The following THAP3 variants were observed in gnomAD, a reference collection of about 807,000 sequenced individuals.
THAP3 encodes the protein THAP domain-containing protein 3.
Under a neutral mutation model 17.7 loss-of-function variants are expected in THAP3, and 12 were observed. The observed-to-expected ratio is 0.68, with a 90% CI of 0.43 to 1.10. The LOEUF is 1.10. Among genes scored for constraint, THAP3 ranks in the 50% least tolerant of loss-of-function variants. The pLI is 0.00. For missense variants in THAP3, 289 were observed against 318.0 expected, an observed-to-expected ratio of 0.91 and a Z score of 0.69; for synonymous variants, 133 against 126.9, an observed-to-expected ratio of 1.05 and a Z score of -0.32.
intron 2 of THAP3, chr1:6,628,282 C>T: frequency 2.0e-6 from 1 of 510,178 alleles, no homozygotes; most frequent in East Asian, 3.5e-5. Flanking sequence ...CTCACTTGGG[C>T]TCTCTGGCCA....
In THAP3 at chr1:6,625,146, GCA is replaced by G; in HGVS notation, c.-69-3_-69-2del. 1 of 740,596 alleles carries G rather than the reference GCA, an allele frequency of 1.4e-6. No homozygotes were observed. Among genetic ancestry groups the G allele is most frequent in the Non-Finnish European group, 2.1e-6 (1 of 466,682 alleles). The allele number at this position is 740,596 out of a possible 1,614,324, so 45.9% of individuals were successfully genotyped here. On this transcript the variant is annotated splice_acceptor_variant and splice_polypyrimidine_tract_variant and intron_variant, in intron 1 of 5. Coordinates refer to ENST00000054650, the MANE Select transcript of THAP3 (RefSeq NM_001195753.2). LOFTEE classifies it low-confidence loss of function (5UTR_SPLICE). ...CCTCCCAGCGGCCCCGCCCCTCCCCGCAGGTCCCTCCCCTCTCCGCAGGCCCC... is the reference window on the plus strand; with the variant it reads ...CCTCCCAGCGGCCCCGCCCCTCCCCGGGTCCCTCCCCTCTCCGCAGGCCCC...
chr1:6,633,493 C>T lies in THAP3; in HGVS notation c.*416C>T, dbSNP rs114618473. On this transcript the variant is annotated 3_prime_UTR_variant, in exon 6 of 6. Transcript: ENST00000054650. ...TCCTCCATCAGCCTGGACAGCCGCT[C>T]GGGGTTCTAAGGAGTGACTCCTGTC... 1.9e-3 allele frequency: 2,094 copies of T among 1,118,584 alleles called. 18 individuals are homozygous for T. The African/African-American group carries it at 0.029, about 16-fold the overall frequency. 69.3% of individuals were successfully genotyped at this position (1,118,584 alleles called of 1,614,324 possible).
intron 3 of THAP3, 40 bp downstream of exon 3, chr1:6,628,731 C>G (rs766888019): frequency 2.5e-6 from 4 of 1,570,820 alleles, no homozygotes; most frequent in Non-Finnish European, 2.6e-6. Context: ...CACATCCAGC[C>G]TGCGTTGTTT....
Position 6,630,419 on chromosome 1 carries a change from A to C in THAP3, c.333+66A>C, listed in dbSNP as rs890191422. On this transcript the variant is annotated intron_variant, in intron 4 of 5. Transcript: ENST00000054650. ...CTGTGGGTTGAGACAGGGAGGTGGG[A>C]TTTTCCCAGCAAGGCCGGCCCGCAG... 3 of 1,557,096 alleles carry C rather than the reference A, an allele frequency of 1.9e-6. No individual in the cohort carries two copies. The African/African-American group carries it at 4.1e-5, about 21-fold the overall frequency.
At chr1:6,626,937 A>ACTTGGGGATGGAGTTGCTGCGCCTTCTCT (rs1641483843) in intron 2 of THAP3, among the ~76,000 whole-genome samples, 1 of 152,202 alleles carries the variant, frequency 6.6e-6, no homozygotes, top group African/African-American at 2.4e-5. Context: ...TCAGGTATGT[A>ACTTGGGGATGGAGTTGCTGCGCCTTCTCT]CTTGGGGATG....
downstream of THAP3, chr1:6,634,929 A>G: frequency 8.8e-7 from 1 of 1,138,410 alleles, no homozygotes. Flanking sequence ...CGGTGGAGGG[A>G]CACAGGCCAG....
chr1:6,629,667 C>T (rs1641557021), intron 3 of THAP3: 1 of 152,962 alleles, frequency 6.5e-6, no homozygotes, highest in Non-Finnish European at 1.5e-5. Context: ...CAGGGGCTGC[C>T]TTCCCTGCTT....
chr1:6,635,031 C>G (rs1641734759), downstream of THAP3: 1 of 354,004 alleles, frequency 2.8e-6, no homozygotes, highest in Non-Finnish European at 4.7e-6. Context: ...GTTACACTAC[C>G]CTGTCCCAAG....
At chr1:6,626,497 T>C (rs1279580151) in intron 2 of THAP3, among the ~76,000 whole-genome samples, 2 of 152,236 alleles carry the variant, frequency 1.3e-5, no homozygotes, top group Non-Finnish European at 2.9e-5. Flanking sequence ...TGATTTGTTC[T>C]ACAATTGAAG....
intron 5 of THAP3, 148 bp from the exon 6 acceptor site, chr1:6,632,647 AT>A: frequency 7.0e-7 from 1 of 1,432,850 alleles, no homozygotes. Context: ...ATTCTCCACC[AT>A]GGTGTGGGCA....
downstream of THAP3, chr1:6,634,765 G>A: frequency 7.5e-7 from 1 of 1,330,944 alleles, no homozygotes; most frequent in South Asian, 1.2e-5. Context: ...ACCTGCAGGA[G>A]CGGGGAGCTG....
Position 6,630,283 on chromosome 1 carries a change from T to C in THAP3, c.268-5T>C. The C allele has an allele frequency of 6.2e-7, 1 of 1,614,036 alleles. No individual in the cohort carries two copies. The highest frequency in any genetic ancestry group is 1.1e-5 in the South Asian group (1 of 91,072). On this transcript the variant is annotated splice_region_variant and splice_polypyrimidine_tract_variant and intron_variant, in intron 3 of 5. Coordinates refer to ENST00000054650, the MANE Select transcript of THAP3 (RefSeq NM_001195753.2). ...CTGCATCCACTCTGTGTGTGTCTCTTGTAGCAGGTGAGGGAGAACACAGAC... is the reference window on the plus strand; with the variant it reads ...CTGCATCCACTCTGTGTGTGTCTCTCGTAGCAGGTGAGGGAGAACACAGAC...
At chr1:6,633,692 TGA>T (rs781648684), downstream of THAP3, 64 of 677,790 alleles carry the variant, frequency 9.4e-5, no homozygotes, top group Middle Eastern at 3.2e-3. Flanking sequence ...GGAGATCACT[TGA>T]GGTCAGGAGT....
At chr1:6,629,907 C>G (rs1641562482) in intron 3 of THAP3, among the ~76,000 whole-genome samples, 1 of 152,192 alleles carries the variant, frequency 6.6e-6, no homozygotes, top group Non-Finnish European at 1.5e-5. Context: ...TTTGTGGGCC[C>G]CACCCCAGTG....
chr1:6,634,223 A>G, downstream of THAP3: 1 of 942,264 alleles, frequency 1.1e-6, no homozygotes, highest in Non-Finnish European at 1.6e-6. Flanking sequence ...TCGACTGCAA[A>G]TGAAACGCAG....
At chr1:6,628,409 A>G (rs941215908) in intron 2 of THAP3, 90 bp from the exon 3 acceptor site, 2 of 1,022,064 alleles carry the variant, frequency 2.0e-6, no homozygotes, top group African/African-American at 3.3e-5. Flanking sequence ...TGTCCAGGGA[A>G]GTACTCTGTA....
chr1:6,625,540 T>C (rs1641445302), intron 2 of THAP3, among the ~76,000 whole-genome samples: 2 of 151,772 alleles, frequency 1.3e-5, no homozygotes, highest in South Asian at 4.2e-4. Context: ...GCGGAGCAGG[T>C]GTTTGCTGAA....
chr1:6,634,105 C>T, downstream of THAP3: 1 of 1,611,360 alleles, frequency 6.2e-7, no homozygotes, highest in Non-Finnish European at 8.5e-7. Context: ...GGGAGGAGGC[C>T]TCTGGGGAAG....
At position 6,630,498 on chromosome 1, in the gene THAP3, A is replaced by G. The variant is rs114858867; in HGVS notation, c.333+145A>G. 317 of 741,764 alleles carry G rather than the reference A, an allele frequency of 4.3e-4. No individual in the cohort carries two copies. In the African/African-American group the frequency reaches 5.0e-3, roughly 12 times the overall value. 45.9% of individuals were successfully genotyped at this position (741,764 alleles called of 1,614,324 possible). ...TGGATTCCCGGTTTTTCTGGAGGGA[A>G]GGCCCAAGCCTCTCAGCTTCCTTCT... On this transcript the variant is annotated intron_variant, in intron 4 of 5. Coordinates refer to ENST00000054650, the MANE Select transcript of THAP3 (RefSeq NM_001195753.2).
Sources: allele counts gnomAD v4.1 joint callset (sites outside exome capture counted in the v4.1 genomes callset), GRCh38; gene constraint gnomAD v4.1.1; transcripts MANE v1.5; gene names NCBI Gene and HGNC (gene_info 2026-07-23, HGNC 2026-07-21).